The following GABBR1 variants were observed in gnomAD, a reference collection of about 807,000 sequenced individuals.
GABBR1 encodes GABA-B receptor, R1 subunit.
A neutral mutation model predicts 117.7 loss-of-function variants in GABBR1; 35 were observed. That is an observed-to-expected ratio of 0.30 (90% CI 0.23 to 0.39). The LOEUF is 0.39. GABBR1 is among the 10% of genes least tolerant of loss of function. The pLI, the probability that GABBR1 is intolerant of heterozygous loss-of-function variation, is 1.00. For missense variants in GABBR1, 709 were observed against 1,241.8 expected (o/e 0.57, Z 6.45); for synonymous variants, 442 against 486.6 (o/e 0.91, Z 1.21).
At chr6:29,617,505 T>C (rs1763271778) in intron 11 of GABBR1, among the ~76,000 whole-genome samples, 1 of 152,122 alleles carries the variant, frequency 6.6e-6, no homozygotes, top group South Asian at 2.1e-4. Flanking sequence ...TTTCACCATG[T>C]TAGCCAGGCT....
Position 29,623,837 on chromosome 6 carries a change from G to T in GABBR1, c.792+53C>A. ...ACCCACAATCGCCATCGTCCCTTCA[G>T]TAGAGCTCAAAAGGGAATGACCCCA... On this transcript the variant is annotated intron_variant, in intron 7 of 22. Coordinates refer to ENST00000377034, the MANE Select transcript of GABBR1 (RefSeq NM_001470.4). This position sits in a 1 kb window ranked among gnomAD's most constrained non-coding sequence, Gnocchi z 6.2. 1 of 1,585,138 alleles carries T rather than the reference G, an allele frequency of 6.3e-7. No homozygotes were observed. Among genetic ancestry groups the T allele is most frequent in the African/African-American group, 1.3e-5 (1 of 74,318 alleles).
intron 13 of GABBR1, among the ~76,000 whole-genome samples, chr6:29,612,322 C>T (rs1217380334): frequency 6.6e-6 from 1 of 152,082 alleles, no homozygotes; most frequent in East Asian, 1.9e-4. Flanking sequence ...AGCCTGCACA[C>T]CTCTTTTCAA....
chr6:29,614,981 CAAAAAAAA>C, intron 11 of GABBR1, among the ~76,000 whole-genome samples: 1 of 81,154 alleles, frequency 1.2e-5, no homozygotes, highest in East Asian at 3.7e-4. Flanking sequence ...TAAAACTGCT[CAAAAAAAA>C]AAAAAAAAAA....
Position 29,631,594 on chromosome 6 carries a change from G to T in GABBR1, c.91C>A (p.Gln31Lys). 6.2e-7 allele frequency: 1 copy of T among 1,614,070 alleles called. No homozygotes were observed. ...CCTTCCCAGGGCGGGTGTATGATCT[G>T]GCAACCTAAGGGGTGAGTCGGGGAG... ...QTPNATSEGC[Q>K]IIHPPWEGGI... Residue 31 changes from glutamine (Q) to lysine (K), a missense_variant, in exon 3 of 23, where the codon CAG becomes AAG. Around this residue, in one of 9 missense-constraint regions of GABBR1, gnomAD observed 43 missense variants for 42.8 expected, o/e 1.00. Coordinates refer to ENST00000377034, the MANE Select transcript of GABBR1 (RefSeq NM_001470.4). The surrounding 1 kb of genome is among the most constrained non-coding windows in gnomAD (Gnocchi z 5.9).
At chr6:29,616,279 A>G (rs1471450049) in intron 11 of GABBR1, among the ~76,000 whole-genome samples, 1 of 104,758 alleles carries the variant, frequency 9.5e-6, no homozygotes, top group Non-Finnish European at 2.1e-5. Flanking sequence ...CTGAGGCAGG[A>G]GAATCGGAGA....
intron 11 of GABBR1, among the ~76,000 whole-genome samples, chr6:29,616,595 G>A (rs1164767175): frequency 6.6e-6 from 1 of 151,284 alleles, no homozygotes; most frequent in Non-Finnish European, 1.5e-5. Flanking sequence ...TGAGGCAGGA[G>A]AATCACTGGA....
Position 29,622,844 on chromosome 6 carries a change from C to T in GABBR1, c.963+461G>A, listed in dbSNP as rs1049723649. ...GCCTTTCTGCCCCTCTCTCTCCTCT[C>T]CCTCATTCCTCTCTCTCTCTCTCTT... On this transcript the variant is annotated intron_variant, in intron 8 of 22. Transcript: ENST00000377034. This position sits in a 1 kb window ranked among gnomAD's most constrained non-coding sequence, Gnocchi z 4.6. 2.0e-5 allele frequency among the ~76,000 whole-genome samples: 3 copies of T among 151,926 alleles called. No individual in the cohort carries two copies. The highest frequency in any genetic ancestry group is 4.4e-5 in the Non-Finnish European group (3 of 67,956).
intron 4 of GABBR1, 189 bp from the exon 5 acceptor site, chr6:29,629,296 T>C (rs1051132188): frequency 2.8e-6 from 2 of 707,764 alleles, no homozygotes; most frequent in South Asian, 1.5e-5. Context: ...TCAGGACTTA[T>C]TTTCTTCTTC....
At chr6:29,614,492 C>T (rs1762859037) in intron 11 of GABBR1, among the ~76,000 whole-genome samples, 1 of 152,174 alleles carries the variant, frequency 6.6e-6, no homozygotes, top group Non-Finnish European at 1.5e-5. Flanking sequence ...CTTTTCTCTC[C>T]AACTTTCTAG....
Position 29,605,274 on chromosome 6 carries a change from A to T in GABBR1, c.2440-286T>A. 1.8e-6 allele frequency: 1 copy of T among 562,182 alleles called. No individual in the cohort carries two copies. Among genetic ancestry groups the T allele is most frequent in the Non-Finnish European group, 3.1e-6 (1 of 322,006 alleles). 34.8% of individuals were successfully genotyped at this position (562,182 alleles called of 1,614,324 possible). A position where few individuals can be genotyped will look rare whatever the true frequency, so the allele number is the denominator to read the frequency against. On this transcript the variant is annotated intron_variant, in intron 20 of 22. Coordinates refer to ENST00000377034, the MANE Select transcript of GABBR1 (RefSeq NM_001470.4). The surrounding 1 kb of genome is among the most constrained non-coding windows in gnomAD (Gnocchi z 4.2). ...AGTCGGTCCCTGGCAGGAAATGTCA[A>T]TAGAGTCCAGCCCATTAACCACAGA...
In GABBR1 at chr6:29,606,211, G is replaced by C. The variant is rs112431246; in HGVS notation, c.2311+180C>G. ...GGGCCCTAAGCTCCTCATAGCAAAA[G>C]AGCAACTCTCCCCTATTCTCAGAAA... On this transcript the variant is annotated intron_variant, in intron 19 of 22. Transcript: ENST00000377034. The surrounding 1 kb of genome is among the most constrained non-coding windows in gnomAD (Gnocchi z 4.5). 6 of 610,774 alleles carry C rather than the reference G, an allele frequency of 9.8e-6. No homozygotes were observed. The highest frequency in any genetic ancestry group is 7.3e-5 in the African/African-American group (4 of 54,500). 37.8% of individuals were successfully genotyped at this position (610,774 alleles called of 1,614,324 possible).
At chr6:29,610,832 A>T (rs967324211) in intron 14 of GABBR1, 92 bp downstream of exon 14, 1 of 1,093,264 alleles carries the variant, frequency 9.1e-7, no homozygotes, top group African/African-American at 1.5e-5. Flanking sequence ...CCAACCTAAC[A>T]GTCTCTACCA....
Position 29,608,649 on chromosome 6 carries a change from C to A in GABBR1, c.1944G>T (p.Gly648=). 6.2e-7 allele frequency: 1 copy of A among 1,613,004 alleles called. No individual in the cohort carries two copies. Among genetic ancestry groups the A allele is most frequent in the Non-Finnish European group, 8.5e-7 (1 of 1,179,992 alleles). Residue 648 remains glycine, a synonymous_variant, in exon 16 of 23, where the codon GGG becomes GGT. Coordinates refer to ENST00000377034, the MANE Select transcript of GABBR1 (RefSeq NM_001470.4). ...TCCTCCCAATGTGGTAACCATCGAG[C>A]CCCAGGGGGAAGACAGCAGCTAAAG... ...SLALAAVFPL[G]LDGYHIGRNQ...
chr6:29,608,439 G>C, intron 16 of GABBR1, 162 bp downstream of exon 16: 1 of 710,200 alleles, frequency 1.4e-6, no homozygotes, highest in Non-Finnish European at 2.3e-6. Context: ...AGAAGGGACA[G>C]AGCCAAACAG....
At position 29,613,030 on chromosome 6, in the gene GABBR1, G is replaced by A. The variant is rs1051645300; in HGVS notation, c.1566+213C>T. On this transcript the variant is annotated intron_variant, in intron 12 of 22. Coordinates refer to ENST00000377034, the MANE Select transcript of GABBR1 (RefSeq NM_001470.4). This position sits in a 1 kb window ranked among gnomAD's most constrained non-coding sequence, Gnocchi z 4.1. The stretch of plus-strand genomic sequence containing the variant: ...TTGGTCTAGTTTGAAAAGAAATGAG[G>A]GGAGGGGTTTAAAAAAATGGAATAC... Among the ~76,000 whole-genome samples the A allele has an allele frequency of 6.6e-6, 1 of 152,158 alleles. No homozygotes were observed. Among genetic ancestry groups the A allele is most frequent in the South Asian group, 2.1e-4 (1 of 4,824 alleles).
chr6:29,606,165 C>T lies in GABBR1; in HGVS notation c.2311+226G>A, dbSNP rs1190688537. On this transcript the variant is annotated intron_variant, in intron 19 of 22. Transcript: ENST00000377034. This position sits in a 1 kb window ranked among gnomAD's most constrained non-coding sequence, Gnocchi z 4.5. ...GTTCCTCTGCTGAACACAAGTTCTTCATCTGTGCTTTCTGTGCTTTGGGCC... is the reference window on the plus strand; with the variant it reads ...GTTCCTCTGCTGAACACAAGTTCTTTATCTGTGCTTTCTGTGCTTTGGGCC... 1.0e-5 allele frequency: 6 copies of T among 573,736 alleles called. No homozygotes were observed. The highest frequency in any genetic ancestry group is 1.9e-5 in the Non-Finnish European group (6 of 322,866). 35.5% of individuals were successfully genotyped at this position (573,736 alleles called of 1,614,324 possible).
In GABBR1 at chr6:29,611,185, A is replaced by G. The variant is rs1562089955; in HGVS notation, c.1631-184T>C. 1 of 549,198 alleles carries G rather than the reference A, an allele frequency of 1.8e-6. No individual in the cohort carries two copies. The highest frequency in any genetic ancestry group is 3.2e-6 in the Non-Finnish European group (1 of 308,502). 34.0% of individuals were successfully genotyped at this position (549,198 alleles called of 1,614,324 possible). On this transcript the variant is annotated intron_variant, in intron 13 of 22. Transcript: ENST00000377034. The surrounding 1 kb of genome is among the most constrained non-coding windows in gnomAD (Gnocchi z 4.6). ...ATCAGCAACATGACTTAAAAGCAAT[A>G]TAAGGTGGTTCCCAAGACAACTCAA...
At position 29,606,077 on chromosome 6, in the gene GABBR1, C is replaced by T. The variant is rs756646361; in HGVS notation, c.2311+314G>A. 5.6e-6 allele frequency: 3 copies of T among 535,994 alleles called. No individual in the cohort carries two copies. The highest frequency in any genetic ancestry group is 1.0e-5 in the Non-Finnish European group (3 of 301,434). The allele number at this position is 535,994 out of a possible 1,614,324, so 33.2% of individuals were successfully genotyped here. ...ATTTGTGACCATGAATCGAACAATG[C>T]TAATAAGGCCAAGGGGGATCTAAAA... On this transcript the variant is annotated intron_variant, in intron 19 of 22. Transcript: ENST00000377034. The surrounding 1 kb of genome is among the most constrained non-coding windows in gnomAD (Gnocchi z 4.5).
rs1422851658 is a variant in GABBR1 at position 29,610,062 on chromosome 6, G to A, written c.1709-683C>T. Among the ~76,000 whole-genome samples, 12 of 134,210 alleles carry A rather than the reference G, an allele frequency of 8.9e-5. No homozygotes were observed. In the East Asian group the frequency reaches 1.9e-3, roughly 21 times the overall value. The allele number at this position is 134,210 out of a possible 152,430, so 88.0% of individuals were successfully genotyped here. ...CAATCCAGAACATTGTCCTAAATTC[G>A]AATTGTAAAAAAAAAAAAAAAAGGG... On this transcript the variant is annotated intron_variant, in intron 14 of 22. Transcript: ENST00000377034.
Sources: allele counts gnomAD v4.1 joint callset (sites outside exome capture counted in the v4.1 genomes callset), GRCh38; gene constraint gnomAD v4.1.1; regional missense constraint gnomAD v4.1.1; non-coding constraint Gnocchi (gnomAD v3.1); transcripts MANE v1.5; gene names NCBI Gene and HGNC (gene_info 2026-07-23, HGNC 2026-07-21).